PIAS2: variants seen among roughly 807,000 people sequenced by gnomAD.
PIAS2 encodes protein inhibitor of activated STAT 2, also known as E3 SUMO-protein ligase PIAS2.
PIAS2 carries 19 observed loss-of-function variants against 69.7 expected under a neutral mutation model. That is an observed-to-expected ratio of 0.27 (90% CI 0.19 to 0.40). The LOEUF (loss-of-function observed/expected upper bound fraction) is 0.40, where lower values mean the gene tolerates loss of function less well. Ranked by LOEUF, PIAS2 falls within the 10% of genes least tolerant of loss-of-function variation. The probability of loss-of-function intolerance (pLI) is 1.00; values close to 1 mark genes in which losing one functional copy is unlikely to be tolerated. For missense variants in PIAS2, 624 were observed against 757.0 expected, an observed-to-expected ratio of 0.82 and a Z score of 2.06; for synonymous variants, 261 against 263.2, an observed-to-expected ratio of 0.99 and a Z score of 0.08.
At chr18:46,870,615 CAAAAAAAAAAAAAAAAAAA>C (rs58099640) in intron 2 of PIAS2, among the ~76,000 whole-genome samples, 2 of 54,934 alleles carry the variant, frequency 3.6e-5, no homozygotes, top group South Asian at 1.1e-3. Context: ...GACTCCGTCT[CAAAAAAAAAAAAAAAAAAA>C]AAAAAAAAAA....
intron 3 of PIAS2, among the ~76,000 whole-genome samples, chr18:46,856,903 C>A (rs116522191): frequency 1.3e-5 from 2 of 152,326 alleles, no homozygotes; most frequent in Admixed American, 6.5e-5. Context: ...GCAGTGACAA[C>A]CACCTTAAGT....
chr18:46,825,342 T>C (rs1397530885), intron 11 of PIAS2, among the ~76,000 whole-genome samples: 1 of 152,210 alleles, frequency 6.6e-6, no homozygotes, highest in Non-Finnish European at 1.5e-5. Context: ...GGACAAAAGA[T>C]TAAATTTCCT....
At chr18:46,844,263 A>G (rs771234961) in intron 7 of PIAS2, 136 bp from the exon 8 acceptor site, 16 of 409,106 alleles carry the variant, frequency 3.9e-5, no homozygotes, top group Non-Finnish European at 7.0e-5. Flanking sequence ...TCCCAATATA[A>G]GTTAAAGAAT....
chr18:46,871,859 T>G (rs1268538523), intron 2 of PIAS2, among the ~76,000 whole-genome samples: 1 of 152,214 alleles, frequency 6.6e-6, no homozygotes, highest in East Asian at 1.9e-4. Context: ...ATGCTAAAAC[T>G]AGGTATAGGC....
At chr18:46,885,928 T>G (rs1430208362) in intron 2 of PIAS2, among the ~76,000 whole-genome samples, 1 of 152,200 alleles carries the variant, frequency 6.6e-6, no homozygotes, top group African/African-American at 2.4e-5. Context: ...ATAAAGAGCA[T>G]ACTATTTAAC....
chr18:46,843,225 G>A (rs905829090), intron 8 of PIAS2, among the ~76,000 whole-genome samples: 13 of 152,118 alleles, frequency 8.5e-5, no homozygotes, highest in Non-Finnish European at 2.9e-5. Flanking sequence ...ATACAGTAGA[G>A]ACTCAACAAA....
rs1568312981 is a variant in PIAS2 at position 46,807,377 on chromosome 18, ATATATATTTTTTT to A, written c.*5043_*5055del. 1 of 25,060 alleles carries A rather than the reference ATATATATTTTTTT, an allele frequency of 4.0e-5. No homozygotes were observed. The highest frequency in any genetic ancestry group is 7.4e-5 in the Non-Finnish European group (1 of 13,432). 1.6% of individuals were successfully genotyped at this position (25,060 alleles called of 1,614,324 possible). On this transcript the variant is annotated 3_prime_UTR_variant, in exon 14 of 14. Coordinates refer to ENST00000585916, the MANE Select transcript of PIAS2 (RefSeq NM_004671.5). The stretch of plus-strand genomic sequence containing the variant: ...ATTTTATATATATATATATATATAT[ATATATATTTTTTT>A]TTTTTTTTTTTTTTTTTTTTAGAGA...
rs555294625 is a variant in PIAS2, at chr18:46,836,266, T to G, written c.1202+91A>C. The stretch of plus-strand genomic sequence containing the variant: ...GATTTATGCTAGAGTAGAATTTATT[T>G]AGAATTTAGTTCAGTAAGTTGTAGT... On this transcript the variant is annotated intron_variant, in intron 9 of 13. Transcript: ENST00000585916. The G allele has an allele frequency of 4.3e-6, 4 of 922,268 alleles. No individual in the cohort carries two copies. The African/African-American group carries it at 6.6e-5, about 15-fold the overall frequency. 57.1% of individuals were successfully genotyped at this position (922,268 alleles called of 1,614,324 possible). A position where few individuals can be genotyped will look rare whatever the true frequency, so the allele number is the denominator to read the frequency against.
intron 11 of PIAS2, 39 bp downstream of exon 11, chr18:46,827,920 C>A: frequency 6.4e-7 from 1 of 1,555,022 alleles, no homozygotes; most frequent in Non-Finnish European, 8.8e-7. Context: ...CAATTAGTTG[C>A]AAGGGTAATG....
chr18:46,832,559 G>A (rs1466422221), intron 9 of PIAS2, among the ~76,000 whole-genome samples: 1 of 151,970 alleles, frequency 6.6e-6, no homozygotes, highest in East Asian at 1.9e-4. Flanking sequence ...AACCCACAAT[G>A]GAGTACCACT....
rs1346602756 is a variant in PIAS2 at position 46,811,863 on chromosome 18, A to G, written c.*570T>C. ...ATTTTTCTTTGATGCAATCACGAAG[A>G]AAAGTGGAAATGCAGGACGAAAAGT... On this transcript the variant is annotated 3_prime_UTR_variant, in exon 14 of 14. Coordinates refer to ENST00000585916, the MANE Select transcript of PIAS2 (RefSeq NM_004671.5). 6.6e-6 allele frequency: 1 copy of G among 152,222 alleles called. No homozygotes were observed. The highest frequency in any genetic ancestry group is 2.4e-5 in the African/African-American group (1 of 41,454). The allele number at this position is 152,222 out of a possible 1,614,324, so 9.4% of individuals were successfully genotyped here.
At chr18:46,865,950 G>A (rs1381645891) in intron 2 of PIAS2, among the ~76,000 whole-genome samples, 1 of 152,042 alleles carries the variant, frequency 6.6e-6, no homozygotes, top group Non-Finnish European at 1.5e-5. Flanking sequence ...CACTATCTGT[G>A]GCTAAGGTCA....
intron 2 of PIAS2, among the ~76,000 whole-genome samples, chr18:46,864,539 G>A (rs1356012792): frequency 2.6e-5 from 4 of 152,186 alleles, no homozygotes; most frequent in African/African-American, 9.7e-5. Context: ...GGGAAGCCAA[G>A]GTGGGTGGAT....
intron 6 of PIAS2, 192 bp from the exon 7 acceptor site, chr18:46,845,031 A>G (rs2045969222): frequency 2.7e-6 from 1 of 371,236 alleles, no homozygotes; most frequent in Non-Finnish European, 4.8e-6. Context: ...CAATCATTTT[A>G]AAGGTATTTC....
intron 2 of PIAS2, among the ~76,000 whole-genome samples, chr18:46,878,870 A>AAAAAAC (rs1190554331): frequency 6.6e-6 from 1 of 152,182 alleles, no homozygotes; most frequent in Non-Finnish European, 1.5e-5. Context: ...CTCCGTCTAT[A>AAAAAAC]AAAAACAAAA....
Position 46,832,795 on chromosome 18 carries a change from G to A in PIAS2, c.1203-2928C>T, listed in dbSNP as rs552224169. Among the ~76,000 whole-genome samples the A allele has an allele frequency of 1.6e-3, 238 of 151,644 alleles. 5 individuals are homozygous for A. The highest frequency in any genetic ancestry group is 0.013 in the Admixed American group (203 of 15,236). The stretch of plus-strand genomic sequence containing the variant: ...TAATCCCAGCTACTGGGGAGGCTGA[G>A]GCAGGAGAATCACTTGAACCTGGGG... On this transcript the variant is annotated intron_variant, in intron 9 of 13. Transcript: ENST00000585916.
At chr18:46,841,362 T>C (rs1417076762) in intron 8 of PIAS2, among the ~76,000 whole-genome samples, 1 of 152,222 alleles carries the variant, frequency 6.6e-6, no homozygotes, top group Non-Finnish European at 1.5e-5. Context: ...AACCCAGGGT[T>C]CACTTCTTAT....
upstream of PIAS2, among the ~76,000 whole-genome samples, chr18:46,918,881 A>G (rs2058316268): frequency 6.6e-6 from 1 of 151,822 alleles, no homozygotes; most frequent in Non-Finnish European, 1.5e-5. Context: ...TTTTAATTCA[A>G]ATTCCCCTGT....
In PIAS2 at chr18:46,814,606, C is replaced by A. The variant is rs190550991; in HGVS notation, c.1686+706G>T. 3.4e-3 allele frequency among the ~76,000 whole-genome samples: 519 copies of A among 152,286 alleles called. 1 individual carries two copies. The highest frequency in any genetic ancestry group is 0.01 in the Middle Eastern group (3 of 294). On this transcript the variant is annotated intron_variant, in intron 13 of 13. Coordinates refer to ENST00000585916, the MANE Select transcript of PIAS2 (RefSeq NM_004671.5). Reference sequence around the variant, plus strand: ...CAGGACTTGTGCTTAGCTGACTGAGCAGCCCATGAAGCAGTGACCCGTGGT... The same window carrying A: ...CAGGACTTGTGCTTAGCTGACTGAGAAGCCCATGAAGCAGTGACCCGTGGT...
Sources: gnomAD v4.1 joint callset for allele counts (sites outside exome capture counted in the v4.1 genomes callset) on GRCh38, gnomAD v4.1.1 for gene constraint, MANE v1.5 for transcripts, NCBI Gene and HGNC (gene_info 2026-07-23, HGNC 2026-07-21) for gene names.